The following TEX14 variants were observed in gnomAD, a reference collection of about 807,000 sequenced individuals.
TEX14 encodes testis expressed 14, intercellular bridge forming factor.
Under a neutral mutation model 178.6 loss-of-function variants are expected in TEX14, and 168 were observed. That is an observed-to-expected ratio of 0.94 (90% CI 0.83 to 1.07). The LOEUF is 1.07. TEX14 is among the 50% of genes least tolerant of loss of function. The probability of loss-of-function intolerance (pLI) is 0.00; values close to 1 mark genes in which losing one functional copy is unlikely to be tolerated. For missense variants in TEX14, 1,730 were observed against 1,753.6 expected (o/e 0.99, Z 0.24); for synonymous variants, 626 against 634.1 (o/e 0.99, Z 0.19).
intron 3 of TEX14, among the ~76,000 whole-genome samples, chr17:58,630,214 G>A (rs2046254680): frequency 1.3e-5 from 2 of 149,590 alleles, no homozygotes; most frequent in South Asian, 2.1e-4. Flanking sequence ...GCGCCACCAC[G>A]CCTGGCTAAT....
At chr17:58,592,917 AAT>A (rs761768823) in intron 15 of TEX14, among the ~76,000 whole-genome samples, 13 of 152,308 alleles carry the variant, frequency 8.5e-5, no homozygotes, top group African/African-American at 3.1e-4. Flanking sequence ...CACATGCACG[AAT>A]ATATGTGTAT....
At chr17:58,600,615 G>T (rs1217276027) in intron 13 of TEX14, among the ~76,000 whole-genome samples, 1 of 151,380 alleles carries the variant, frequency 6.6e-6, no homozygotes, top group Non-Finnish European at 1.5e-5. Context: ...CATTATGGGA[G>T]TAATGAAAAA....
Position 58,599,102 on chromosome 17 carries a change from A to G in TEX14, c.2243T>C (p.Leu748Pro), listed in dbSNP as rs763288278. The change falls in exon 14 of 32, where the codon CTG becomes CCG. Residue 748 changes from leucine (L) to proline (P), a missense_variant. Transcript: ENST00000349033. ...QTIMHENDDR[L>P]RNIEQILDEV... ...ATCTAATATCTGCTCGATATTCCTC[A>G]GCCTATCATCATTCTCGTGCATTAT... 1.2e-6 allele frequency: 2 copies of G among 1,614,048 alleles called. No homozygotes were observed. Among genetic ancestry groups the G allele is most frequent in the Non-Finnish European group, 1.7e-6 (2 of 1,179,960 alleles).
rs114250915 is a variant in TEX14 at position 58,585,814 on chromosome 17, A to C, written c.3057T>G (p.Leu1019=). The C allele has an allele frequency of 6.4e-4, 1,037 of 1,613,900 alleles. 16 individuals carry two copies. The African/African-American group carries it at 0.013, about 20-fold the overall frequency. Residue 1019 remains leucine (L), a synonymous_variant, in exon 18 of 32, where the codon CTT becomes CTG. Transcript: ENST00000349033. ...DSDQHGRQPR[L]GSFTSIRHPS... is the part of the protein sequence containing the mutation. ...AAGTGAACTTACTGGTGAAGCTTCC[A>C]AGCCTGGGCTGTCTGCCATGCTGGT...
At position 58,587,636 on chromosome 17, in the gene TEX14, G is replaced by A. The variant is rs1304735739; in HGVS notation, c.2733C>T (p.Ile911=). The A allele has an allele frequency of 6.2e-7, 1 of 1,605,930 alleles. No individual in the cohort carries two copies. Among genetic ancestry groups the A allele is most frequent in the African/African-American group, 1.3e-5 (1 of 74,428 alleles). ...RMSVEPVSSE[I]YNAESRNKDD... ...CTTTATTTCTGGACTCTGCATTATA[G>A]ATTTCAGAAGAAACAGGTTCCACAC... is the stretch of plus-strand genomic sequence containing the variant. Residue 911 remains isoleucine (I), a synonymous_variant, in exon 17 of 32, where the codon ATC becomes ATT. Transcript: ENST00000349033.
chr17:58,608,140 G>C (rs2045654901), intron 10 of TEX14, among the ~76,000 whole-genome samples: 1 of 151,946 alleles, frequency 6.6e-6, no homozygotes, highest in Non-Finnish European at 1.5e-5. Flanking sequence ...AAAATTGGCT[G>C]GGCGCAGGGG....
At chr17:58,573,060 G>GA in intron 23 of TEX14, 121 bp downstream of exon 23, 1 of 1,411,758 alleles carries the variant, frequency 7.1e-7, no homozygotes. Flanking sequence ...TGGCCCTAAA[G>GA]AAAAACCTTT....
In TEX14 at chr17:58,572,313, A is replaced by G. The variant is rs1349077604; in HGVS notation, c.3512-187T>C. Among the ~76,000 whole-genome samples the G allele has an allele frequency of 2.0e-5, 3 of 152,122 alleles. No homozygotes were observed. In the East Asian group the frequency reaches 5.8e-4, roughly 29 times the overall value. Reference sequence around the variant, plus strand: ...TCCAAACCCACAAACCTATACCTATACTAAGGATTTTCCAAATTGTTAATA... The same window carrying G: ...TCCAAACCCACAAACCTATACCTATGCTAAGGATTTTCCAAATTGTTAATA... On this transcript the variant is annotated intron_variant, in intron 23 of 31. Coordinates refer to ENST00000349033, the MANE Select transcript of TEX14 (RefSeq NM_031272.5).
chr17:58,644,482 G>T (rs575005677), intron 2 of TEX14, among the ~76,000 whole-genome samples: 1 of 151,824 alleles, frequency 6.6e-6, no homozygotes, highest in Non-Finnish European at 1.5e-5. Flanking sequence ...ACAGGTGCAT[G>T]CCACCACGCC....
At chr17:58,559,110 C>T (rs143461203) in intron 30 of TEX14, among the ~76,000 whole-genome samples, 5,357 of 152,024 alleles carry the variant, frequency 0.035, 150 homozygotes, top group East Asian at 0.077. Context: ...GCAGAGGTTG[C>T]GATGAGCCGA....
intron 21 of TEX14, among the ~76,000 whole-genome samples, chr17:58,575,944 T>C (rs947698007): frequency 1.3e-5 from 2 of 152,218 alleles, no homozygotes; most frequent in Non-Finnish European, 2.9e-5. Flanking sequence ...CTTTCTTTAC[T>C]GGCAAATGGA....
intron 2 of TEX14, among the ~76,000 whole-genome samples, chr17:58,637,045 G>A (rs2046451233): frequency 6.6e-6 from 1 of 151,952 alleles, no homozygotes; most frequent in Admixed American, 6.6e-5. Context: ...TGGCGAACAC[G>A]GTGAAACCCC....
At chr17:58,616,374 T>C in intron 6 of TEX14, 69 bp from the exon 7 acceptor site, 1 of 1,559,930 alleles carries the variant, frequency 6.4e-7, no homozygotes, top group Non-Finnish European at 8.6e-7. Context: ...CAGAATCTTA[T>C]CAGCCAGCTA....
At chr17:58,631,693 G>A (rs771804946) in intron 2 of TEX14, 8 of 150,968 alleles carry the variant, frequency 5.3e-5, no homozygotes, top group African/African-American at 1.5e-4. Flanking sequence ...GCAAACAGCA[G>A]TTAGAATAAC....
intron 1 of TEX14, among the ~76,000 whole-genome samples, chr17:58,663,549 C>T (rs1028001642): frequency 6.6e-5 from 10 of 151,706 alleles, no homozygotes; most frequent in Non-Finnish European, 1.5e-4. Flanking sequence ...TCACGGCAAC[C>T]TCCATCTCTT....
At chr17:58,565,931 C>G (rs2044388656) in intron 26 of TEX14, 107 bp from the exon 27 acceptor site, 2 of 850,880 alleles carry the variant, frequency 2.4e-6, no homozygotes, top group South Asian at 3.1e-5. Context: ...GCAGCATTAA[C>G]ATAACCCGGG....
At chr17:58,607,867 C>T (rs1377557039) in intron 10 of TEX14, among the ~76,000 whole-genome samples, 1 of 152,218 alleles carries the variant, frequency 6.6e-6, no homozygotes, top group Non-Finnish European at 1.5e-5. Context: ...GTGGCTCATG[C>T]CTGTAATCCC....
Position 58,615,315 on chromosome 17 carries a change from C to A in TEX14, c.798G>T (p.Val266=). Residue 266 remains valine (V), a synonymous_variant, in exon 8 of 32, where the codon GTG becomes GTT. Coordinates refer to ENST00000349033, the MANE Select transcript of TEX14 (RefSeq NM_031272.5). ...NLVWNGSRVT[V]KELNLPTHPH... is the part of the protein sequence containing the mutation. ...GGTGGGTGGGGAGATTCAGCTCTTT[C>A]ACTGTGACCCTGCTCCCATTCCACA... 1 of 1,613,160 alleles carries A rather than the reference C, an allele frequency of 6.2e-7. No individual in the cohort carries two copies. The highest frequency in any genetic ancestry group is 8.5e-7 in the Non-Finnish European group (1 of 1,179,152).
Position 58,605,078 on chromosome 17 carries a change from C to G in TEX14, c.1236G>C (p.Gln412His). 6.2e-7 allele frequency: 1 copy of G among 1,614,192 alleles called. No homozygotes were observed. The highest frequency in any genetic ancestry group is 1.3e-5 in the African/African-American group (1 of 75,054). The change falls in exon 11 of 32, where the codon CAG (glutamine) becomes CAC (histidine). Residue 412 changes from glutamine (Q) to histidine (H), a missense_variant. Transcript: ENST00000349033. The part of the protein sequence containing the change: ...RDLTRVPLPT[Q>H]LYNWAAPEVI... ...CTTCTGGTGCGGCCCAGTTGTATAG[C>G]TGCGTAGGAAGGGGCACTCGAGTCA...
Sources: allele counts gnomAD v4.1 joint callset (sites outside exome capture counted in the v4.1 genomes callset), GRCh38; gene constraint gnomAD v4.1.1; transcripts MANE v1.5; gene names NCBI Gene and HGNC (gene_info 2026-07-23, HGNC 2026-07-21).